The following SYNDIG1 variants were observed in gnomAD, a reference collection of about 807,000 sequenced individuals.
SYNDIG1 encodes synapse differentiation-inducing gene protein 1.
A neutral mutation model predicts 19.4 loss-of-function variants in SYNDIG1; 9 were observed. That is an observed-to-expected ratio of 0.46 (90% CI 0.28 to 0.81). The LOEUF is 0.81. SYNDIG1 is among the 30% of genes least tolerant of loss of function. The pLI is 0.12. For synonymous variants in SYNDIG1, 141 were observed against 145.9 expected, an observed-to-expected ratio of 0.97 and a Z score of 0.24; for missense variants, 311 against 343.3, an observed-to-expected ratio of 0.91 and a Z score of 0.74.
At chr20:24,489,520 C>T (rs2056085255) in intron 1 of SYNDIG1, among the ~76,000 whole-genome samples, 1 of 151,872 alleles carries the variant, frequency 6.6e-6, no homozygotes, top group Non-Finnish European at 1.5e-5. Flanking sequence ...TACATGCACA[C>T]ACACGTACAC....
rs1024058998 is a variant in SYNDIG1, at chr20:24,557,690, C to T, written c.480+14113C>T. Among the ~76,000 whole-genome samples, 5 of 152,098 alleles carry T rather than the reference C, an allele frequency of 3.3e-5. No individual in the cohort carries two copies. The East Asian group carries it at 7.7e-4, about 24-fold the overall frequency. ...AGTTTTGTCTCAGAGGAGTACCCGG[C>T]CATGTGAGGTGTCAGTCTGCCCGTA... On this transcript the variant is annotated intron_variant, in intron 2 of 3. Coordinates refer to ENST00000376862, the MANE Select transcript of SYNDIG1 (RefSeq NM_024893.3).
chr20:24,626,839 C>T (rs1289795929), intron 3 of SYNDIG1, among the ~76,000 whole-genome samples: 1 of 152,210 alleles, frequency 6.6e-6, no homozygotes. Flanking sequence ...CTCGGGAGGC[C>T]GAGGCTGGCG....
At chr20:24,492,982 T>C (rs2146321482) in intron 1 of SYNDIG1, among the ~76,000 whole-genome samples, 1 of 152,346 alleles carries the variant, frequency 6.6e-6, no homozygotes. Flanking sequence ...CACTAATGAC[T>C]GGAGAAGAGA....
intron 3 of SYNDIG1, among the ~76,000 whole-genome samples, chr20:24,613,710 C>T (rs73902785): frequency 0.012 from 1,862 of 152,280 alleles, 41 homozygotes; most frequent in African/African-American, 0.043. Flanking sequence ...GACTGACGGC[C>T]GCGCCCCTGC....
chr20:24,506,554 C>T (rs1360663116), intron 1 of SYNDIG1, among the ~76,000 whole-genome samples: 1 of 152,168 alleles, frequency 6.6e-6, no homozygotes, highest in East Asian at 1.9e-4. Context: ...TCTGAAGTTT[C>T]TCTTGAAGTC....
intron 3 of SYNDIG1, among the ~76,000 whole-genome samples, chr20:24,587,354 G>A (rs2058433955): frequency 6.6e-6 from 1 of 152,156 alleles, no homozygotes; most frequent in Admixed American, 6.5e-5. Flanking sequence ...GGCAGGGCCT[G>A]TGTCTGCATC....
chr20:24,561,197 G>A (rs991810739), intron 2 of SYNDIG1, among the ~76,000 whole-genome samples: 8 of 152,100 alleles, frequency 5.3e-5, no homozygotes, highest in Admixed American at 5.2e-4. Context: ...CAGTTTTCAA[G>A]TCTGCTCCAG....
rs1027962748 is a variant in SYNDIG1, at chr20:24,647,850, A to C, written c.619-17496A>C. ...TCAGACTGAGCTGCTGTCACAAGTT[A>C]CTGTGGACTAGGTGGTTTAAGCAGT... On this transcript the variant is annotated intron_variant, in intron 3 of 3. Coordinates refer to ENST00000376862, the MANE Select transcript of SYNDIG1 (RefSeq NM_024893.3). Among the ~76,000 whole-genome samples, 7 of 151,404 alleles carry C rather than the reference A, an allele frequency of 4.6e-5. No individual in the cohort carries two copies. The East Asian group carries it at 1.2e-3, about 25-fold the overall frequency.
chr20:24,631,468 A>G (rs1377492862), intron 3 of SYNDIG1, among the ~76,000 whole-genome samples: 3 of 152,244 alleles, frequency 2.0e-5, no homozygotes, highest in East Asian at 3.8e-4. Context: ...TCAGCCACAC[A>G]TCAGGAACTG....
intron 1 of SYNDIG1, among the ~76,000 whole-genome samples, chr20:24,479,066 T>C (rs2055716824): frequency 6.6e-6 from 1 of 152,230 alleles, no homozygotes; most frequent in Admixed American, 6.5e-5. Flanking sequence ...CTTTAAATAT[T>C]ACAGAAATAT....
chr20:24,657,301 A>G (rs2059536030), intron 3 of SYNDIG1, among the ~76,000 whole-genome samples: 1 of 152,300 alleles, frequency 6.6e-6, no homozygotes, highest in Non-Finnish European at 1.5e-5. Flanking sequence ...ATGTTGTTAT[A>G]TGGTGATGTC....
chr20:24,626,618 C>G (rs2147265534), intron 3 of SYNDIG1, among the ~76,000 whole-genome samples: 1 of 152,098 alleles, frequency 6.6e-6, no homozygotes, highest in South Asian at 2.1e-4. Flanking sequence ...AGGGGCTCCT[C>G]ACATCCCAGA....
intron 1 of SYNDIG1, among the ~76,000 whole-genome samples, chr20:24,523,586 G>C (rs2057053252): frequency 6.6e-6 from 1 of 152,178 alleles, no homozygotes. Flanking sequence ...CCCTGTGCCA[G>C]ATAAAGGAAA....
intron 3 of SYNDIG1, among the ~76,000 whole-genome samples, chr20:24,612,603 G>T (rs1346828190): frequency 6.6e-6 from 1 of 152,166 alleles, no homozygotes; most frequent in Non-Finnish European, 1.5e-5. Context: ...TAGGAGAAAA[G>T]GCTTAAAGGA....
intron 1 of SYNDIG1, among the ~76,000 whole-genome samples, chr20:24,484,109 G>A (rs2055886237): frequency 6.6e-6 from 1 of 152,074 alleles, no homozygotes; most frequent in African/African-American, 2.4e-5. Context: ...CAACAGATGG[G>A]GTCAGACGAA....
intron 3 of SYNDIG1, among the ~76,000 whole-genome samples, chr20:24,623,478 G>T (rs1203700142): frequency 1.3e-5 from 2 of 152,076 alleles, no homozygotes; most frequent in African/African-American, 4.8e-5. Context: ...CAGCAAAAAA[G>T]AATAACTAGA....
intron 2 of SYNDIG1, among the ~76,000 whole-genome samples, chr20:24,543,891 G>C (rs191242532): frequency 6.6e-5 from 10 of 152,340 alleles, no homozygotes; most frequent in Admixed American, 1.3e-4. Context: ...CCATGAGACA[G>C]AGAGGTCATT....
intron 3 of SYNDIG1, among the ~76,000 whole-genome samples, chr20:24,589,756 T>C (rs1048029884): frequency 6.6e-6 from 1 of 152,108 alleles, no homozygotes; most frequent in African/African-American, 2.4e-5. Context: ...AATAATTAAA[T>C]GAGAAAAGGG....
chr20:24,625,032 A>C (rs1315660273), intron 3 of SYNDIG1, among the ~76,000 whole-genome samples: 1 of 152,218 alleles, frequency 6.6e-6, no homozygotes, highest in Non-Finnish European at 1.5e-5. Flanking sequence ...AATTTGGGAG[A>C]TGTAGTTAAA....
Sources: gnomAD v4.1 joint callset for allele counts (sites outside exome capture counted in the v4.1 genomes callset) on GRCh38, gnomAD v4.1.1 for gene constraint, MANE v1.5 for transcripts, NCBI Gene and HGNC (gene_info 2026-07-23, HGNC 2026-07-21) for gene names.